UBAC1: variants seen among roughly 807,000 people sequenced by gnomAD.
UBAC1 encodes the protein UBA domain containing 1.
UBAC1 carries 27 observed loss-of-function variants against 45.9 expected under a neutral mutation model. That is an observed-to-expected ratio of 0.59 (90% CI 0.43 to 0.81). The LOEUF (loss-of-function observed/expected upper bound fraction) is 0.81. UBAC1 is among the 30% of genes least tolerant of loss of function. The pLI is 0.00. For synonymous variants in UBAC1, 227 were observed against 215.5 expected (o/e 1.05, Z -0.47); for missense variants, 529 against 539.2 (o/e 0.98, Z 0.19).
intron 3 of UBAC1, among the ~76,000 whole-genome samples, chr9:135,950,520 G>A (rs1417058062): frequency 1.3e-5 from 2 of 152,168 alleles, no homozygotes; most frequent in Non-Finnish European, 2.9e-5. Flanking sequence ...CAAACAAAAG[G>A]AAGAGGCAAA....
At chr9:135,945,461 C>T in intron 6 of UBAC1, 1 of 534,616 alleles carries the variant, frequency 1.9e-6, no homozygotes, top group Non-Finnish European at 3.3e-6. Context: ...GAATCAGAAG[C>T]CCATGTCTAA....
At chr9:135,936,837 AC>A (rs1839207491) in intron 9 of UBAC1, among the ~76,000 whole-genome samples, 1 of 152,288 alleles carries the variant, frequency 6.6e-6, no homozygotes, top group African/African-American at 2.4e-5. Context: ...AAAAATACAG[AC>A]ACACTGAAGG....
chr9:135,951,685 T>G (rs915575150), intron 3 of UBAC1, among the ~76,000 whole-genome samples: 3 of 150,326 alleles, frequency 2.0e-5, no homozygotes, highest in Non-Finnish European at 4.4e-5. Context: ...TGGCACGCAC[T>G]TGTAACCCCA....
At chr9:135,958,206 C>G (rs1839490606) in intron 1 of UBAC1, among the ~76,000 whole-genome samples, 1 of 152,010 alleles carries the variant, frequency 6.6e-6, no homozygotes, top group Admixed American at 6.6e-5. Flanking sequence ...GCCACCACGC[C>G]CGGCTAATTT....
intron 8 of UBAC1, among the ~76,000 whole-genome samples, 177 bp downstream of exon 8, chr9:135,939,496 C>G (rs1393809647): frequency 1.3e-5 from 2 of 149,704 alleles, no homozygotes. Flanking sequence ...CACCACAGCC[C>G]ACACTCACTC....
intron 3 of UBAC1, among the ~76,000 whole-genome samples, chr9:135,948,982 A>G (rs1171856372): frequency 6.6e-6 from 1 of 151,896 alleles, no homozygotes; most frequent in East Asian, 1.9e-4. Context: ...AGGCAGGAGA[A>G]TCACTTGAAC....
chr9:135,953,045 C>T (rs1168680594), intron 3 of UBAC1, among the ~76,000 whole-genome samples: 3 of 152,298 alleles, frequency 2.0e-5, no homozygotes, highest in East Asian at 3.9e-4. Flanking sequence ...GAGGAGGGAA[C>T]AGGAGCACAC....
At chr9:135,938,774 G>A (rs1048515847) in intron 8 of UBAC1, among the ~76,000 whole-genome samples, 6 of 151,952 alleles carry the variant, frequency 3.9e-5, no homozygotes, top group African/African-American at 1.4e-4. Flanking sequence ...TCTCTGTCTT[G>A]GAGGTGTGAG....
At chr9:135,957,940 A>AT (rs1338249462) in intron 1 of UBAC1, among the ~76,000 whole-genome samples, 1 of 150,094 alleles carries the variant, frequency 6.7e-6, no homozygotes, top group Non-Finnish European at 1.5e-5. Flanking sequence ...ATGCCAGGCT[A>AT]TTTTTTTACA....
chr9:135,944,950 C>T (rs913164043), intron 7 of UBAC1, 78 bp downstream of exon 7: 1 of 1,428,468 alleles, frequency 7.0e-7, no homozygotes, highest in South Asian at 1.3e-5. Flanking sequence ...AGCCATGCAG[C>T]CCCAGCTTCC....
chr9:135,955,563 A>C, intron 1 of UBAC1, 148 bp from the exon 2 acceptor site: 1 of 944,284 alleles, frequency 1.1e-6, no homozygotes, highest in South Asian at 2.0e-5. Flanking sequence ...AAGAATTCCC[A>C]CTAATGGTAG....
chr9:135,951,628 G>C (rs2131091587), intron 3 of UBAC1, among the ~76,000 whole-genome samples: 1 of 152,026 alleles, frequency 6.6e-6, no homozygotes, highest in Non-Finnish European at 1.5e-5. Context: ...GGCCAACATG[G>C]TGAAACCCCA....
intron 9 of UBAC1, among the ~76,000 whole-genome samples, chr9:135,934,315 C>G (rs1287540367): frequency 6.6e-6 from 1 of 152,188 alleles, no homozygotes. Context: ...ATCCCCAGGC[C>G]TTAAAACAAT....
At chr9:135,947,208 C>G (rs1352815754) in intron 4 of UBAC1, among the ~76,000 whole-genome samples, 1 of 152,140 alleles carries the variant, frequency 6.6e-6, no homozygotes, top group Non-Finnish European at 1.5e-5. Flanking sequence ...TCTTTTTTAA[C>G]TTAGAATGTT....
intron 3 of UBAC1, among the ~76,000 whole-genome samples, chr9:135,948,388 G>T (rs1839364599): frequency 6.6e-6 from 1 of 152,258 alleles, no homozygotes; most frequent in African/African-American, 2.4e-5. Flanking sequence ...AGACGGCAGA[G>T]GACGAGGATG....
At chr9:135,940,706 T>C (rs1839260452) in intron 7 of UBAC1, among the ~76,000 whole-genome samples, 1 of 152,224 alleles carries the variant, frequency 6.6e-6, no homozygotes, top group Non-Finnish European at 1.5e-5. Context: ...ACACAATTCA[T>C]GTAACAAGAT....
chr9:135,953,824 C>CACCCTT, intron 2 of UBAC1, 71 bp from the exon 3 acceptor site: 1 of 1,385,630 alleles, frequency 7.2e-7, no homozygotes, highest in Non-Finnish European at 1.0e-6. Context: ...ATAAAGGGTG[C>CACCCTT]TGGATGCCCT....
At chr9:135,943,134 A>G (rs1316832114) in intron 7 of UBAC1, among the ~76,000 whole-genome samples, 1 of 152,216 alleles carries the variant, frequency 6.6e-6, no homozygotes, top group Non-Finnish European at 1.5e-5. Context: ...AAAAGAAGAC[A>G]GTTGGCCGGG....
At chr9:135,952,602 G>A (rs1223327534) in intron 3 of UBAC1, among the ~76,000 whole-genome samples, 1 of 152,222 alleles carries the variant, frequency 6.6e-6, no homozygotes, top group African/African-American at 2.4e-5. Context: ...TCAATAACGT[G>A]TGAGTGAATG....
Sources: gnomAD v4.1 joint callset for allele counts (sites outside exome capture counted in the v4.1 genomes callset) on GRCh38, gnomAD v4.1.1 for gene constraint, MANE v1.5 for transcripts, NCBI Gene and HGNC (gene_info 2026-07-23, HGNC 2026-07-21) for gene names.